Variants in ACBD5 observed in about 807,000 individuals in gnomAD.
ACBD5 encodes acyl-CoA-binding domain-containing protein 5.
ACBD5 carries 40 observed loss-of-function variants against 71.8 expected under a neutral mutation model. The ratio of observed to expected loss-of-function variants is 0.56; its 90% CI spans 0.43 to 0.72. The LOEUF is 0.72. Ranked by LOEUF, ACBD5 falls within the 30% of genes least tolerant of loss-of-function variation. ACBD5 has a pLI of 0.00. For missense variants in ACBD5, 559 were observed against 644.5 expected, an observed-to-expected ratio of 0.87 and a Z score of 1.44; for synonymous variants, 229 against 218.6, an observed-to-expected ratio of 1.05 and a Z score of -0.42.
intron 4 of ACBD5, among the ~76,000 whole-genome samples, chr10:27,226,971 T>A (rs2063126568): frequency 6.7e-6 from 1 of 148,240 alleles, no homozygotes; most frequent in Non-Finnish European, 1.5e-5. Flanking sequence ...CTGGCCCAAA[T>A]TCGTAAACTT....
chr10:27,228,877 G>A (rs1452496827), intron 4 of ACBD5, among the ~76,000 whole-genome samples: 1 of 135,232 alleles, frequency 7.4e-6, no homozygotes, highest in East Asian at 2.2e-4. Context: ...GGAGTGCAGC[G>A]GCGCAATCTC....
intron 9 of ACBD5, among the ~76,000 whole-genome samples, chr10:27,208,902 C>T (rs2060759893): frequency 6.6e-6 from 1 of 152,072 alleles, no homozygotes; most frequent in Non-Finnish European, 1.5e-5. Flanking sequence ...AAATAAACTG[C>T]TGAGCTCAAA....
intron 7 of ACBD5, among the ~76,000 whole-genome samples, chr10:27,216,306 A>T (rs898305639): frequency 6.6e-6 from 1 of 152,052 alleles, no homozygotes; most frequent in African/African-American, 2.4e-5. Flanking sequence ...AGCCCAGCTA[A>T]TTTTTTGTAT....
At chr10:27,218,933 C>T (rs926915546) in intron 6 of ACBD5, among the ~76,000 whole-genome samples, 10 of 152,088 alleles carry the variant, frequency 6.6e-5, no homozygotes, top group African/African-American at 2.2e-4. Context: ...AAACAGTCTT[C>T]CCGTGTGTTA....
At chr10:27,223,149 G>C (rs1355595246) in intron 5 of ACBD5, 189 bp downstream of exon 5, 2 of 713,818 alleles carry the variant, frequency 2.8e-6, no homozygotes, top group South Asian at 1.5e-5. Flanking sequence ...AGTTTGTGCA[G>C]AATTCTTTTG....
At chr10:27,193,072 TCCTC>T (rs981307074), downstream of ACBD5, among the ~76,000 whole-genome samples, 16 of 151,166 alleles carry the variant, frequency 1.1e-4, no homozygotes, top group African/African-American at 2.4e-4. Flanking sequence ...TTTTCTTCCT[TCCTC>T]CCTCCCTCCC....
chr10:27,202,861 G>T (rs2060061042), intron 12 of ACBD5, among the ~76,000 whole-genome samples: 1 of 151,252 alleles, frequency 6.6e-6, no homozygotes, highest in Non-Finnish European at 1.5e-5. Flanking sequence ...CTATTACCAG[G>T]GATATTTAAA....
intron 9 of ACBD5, among the ~76,000 whole-genome samples, 174 bp downstream of exon 9, chr10:27,210,640 C>T (rs1368020007): frequency 1.3e-5 from 2 of 152,124 alleles, no homozygotes; most frequent in African/African-American, 2.4e-5. Flanking sequence ...TGCCTATAAT[C>T]CCAGCTACTC....
intron 4 of ACBD5, among the ~76,000 whole-genome samples, chr10:27,228,563 C>T (rs1376457379): frequency 6.6e-6 from 1 of 151,318 alleles, no homozygotes; most frequent in South Asian, 2.1e-4. Context: ...GGCGACAGTG[C>T]GAGACTCCGT....
chr10:27,209,467 C>A (rs780153871), intron 9 of ACBD5, among the ~76,000 whole-genome samples: 1 of 152,056 alleles, frequency 6.6e-6, no homozygotes, highest in Non-Finnish European at 1.5e-5. Flanking sequence ...GGATTACAGG[C>A]GCATGCCACT....
At chr10:27,215,407 G>T in intron 8 of ACBD5, 128 bp downstream of exon 8, 9 of 677,032 alleles carry the variant, frequency 1.3e-5, no homozygotes, top group Non-Finnish European at 1.8e-5. Context: ...AAATACAAAT[G>T]TTTAAACATT....
Position 27,235,132 on chromosome 10 carries a change from A to G in ACBD5, c.262T>C (p.Ser88Pro), listed in dbSNP as rs199700938. 3.9e-4 allele frequency: 628 copies of G among 1,614,044 alleles called. 5 individuals carry two copies. In the South Asian group the frequency reaches 6.1e-3, roughly 16 times the overall value. ...KQATEGPCKL[S>P]RPGFWDPIGR... is the part of the protein sequence containing the mutation. Reference sequence around the variant, plus strand: ...ATAGGATCCCAAAATCCAGGCCTTGAAAGTTTACAGGGTCCTTCAGTTGCC... The same window carrying G: ...ATAGGATCCCAAAATCCAGGCCTTGGAAGTTTACAGGGTCCTTCAGTTGCC... The change falls in exon 3 of 13, where the codon TCA becomes CCA. Residue 88 changes from serine (S) to proline (P), a missense_variant. Ser to Pro is a moderately conservative substitution (Grantham distance 74, BLOSUM62 -1). Coordinates refer to ENST00000396271, the MANE Select transcript of ACBD5 (RefSeq NM_145698.5).
intron 2 of ACBD5, among the ~76,000 whole-genome samples, chr10:27,236,964 G>A (rs113355806): frequency 0.026 from 3,875 of 150,302 alleles, 140 homozygotes; most frequent in African/African-American, 0.085. Context: ...AGGTTTGGCC[G>A]AGAGTGCATA....
chr10:27,240,389 C>A lies in ACBD5; in HGVS notation c.111G>T (p.Ala37=). 1.2e-6 allele frequency: 2 copies of A among 1,614,060 alleles called. No homozygotes were observed. The highest frequency in any genetic ancestry group is 8.5e-7 in the Non-Finnish European group (1 of 1,180,014). ...TAGTCTCGTGCACGGATCTCGTGTC[C>A]GCCATCTCCAGCTGCCAGTGTTGGC... ...DRGQHWQLEM[A]DTRSVHETRF... is the part of the protein sequence containing the mutation. Residue 37 remains alanine (A), a synonymous_variant, in exon 2 of 13, where the codon GCG becomes GCT. Transcript: ENST00000396271. This position sits in a 1 kb window ranked among gnomAD's most constrained non-coding sequence, Gnocchi z 4.1.
intron 2 of ACBD5, among the ~76,000 whole-genome samples, chr10:27,238,223 T>TCAGCATCAGCCC (rs2065015756): frequency 6.6e-6 from 1 of 151,954 alleles, no homozygotes; most frequent in Non-Finnish European, 1.5e-5. Flanking sequence ...AGCATCAGCC[T>TCAGCATCAGCCC]GCCTCGGCCT....
At chr10:27,216,705 A>T (rs1456143486) in intron 7 of ACBD5, among the ~76,000 whole-genome samples, 1 of 152,210 alleles carries the variant, frequency 6.6e-6, no homozygotes, top group African/African-American at 2.4e-5. Flanking sequence ...ATTTGAAAAG[A>T]TTACAAAATA....
chr10:27,223,625 G>T (rs1447820006), intron 4 of ACBD5, among the ~76,000 whole-genome samples, 173 bp from the exon 5 acceptor site: 1 of 152,098 alleles, frequency 6.6e-6, no homozygotes, highest in African/African-American at 2.4e-5. Flanking sequence ...CACTGTGGCC[G>T]GGCTAAGTGG....
chr10:27,184,983 G>A (rs1258711837), intron 13 of ACBD5, among the ~76,000 whole-genome samples: 2 of 152,210 alleles, frequency 1.3e-5, no homozygotes, highest in Non-Finnish European at 2.9e-5. Context: ...GTGATATAGA[G>A]CTTCCAATGT....
In ACBD5 at chr10:27,195,757, A is replaced by G. The variant is rs2059325151; in HGVS notation, c.*1673T>C. On this transcript the variant is annotated 3_prime_UTR_variant, in exon 13 of 13. Coordinates refer to ENST00000396271, the MANE Select transcript of ACBD5 (RefSeq NM_145698.5). ...AGTTATTTGAAAGAAAAAAATAAGGAAAAAGAGTTTGGGAAAAGTAAATTG... is the reference window on the plus strand; with the variant it reads ...AGTTATTTGAAAGAAAAAAATAAGGGAAAAGAGTTTGGGAAAAGTAAATTG... 2.4e-6 allele frequency: 1 copy of G among 412,708 alleles called. No homozygotes were observed. Among genetic ancestry groups the G allele is most frequent in the Admixed American group, 3.3e-5 (1 of 30,210 alleles). 25.6% of individuals were successfully genotyped at this position (412,708 alleles called of 1,614,324 possible). A position where few individuals can be genotyped will look rare whatever the true frequency, so the allele number is the denominator to read the frequency against.
Sources: gnomAD v4.1 joint callset for allele counts (sites outside exome capture counted in the v4.1 genomes callset) on GRCh38, gnomAD v4.1.1 for gene constraint, Gnocchi (gnomAD v3.1) non-coding constraint, MANE v1.5 for transcripts, NCBI Gene and HGNC (gene_info 2026-07-23, HGNC 2026-07-21) for gene names.